Variants in MORF4L1 observed in about 807,000 individuals in gnomAD.
The protein encoded by MORF4L1 is mortality factor 4 like 1, also known as mortality factor 4-like protein 1.
A neutral mutation model predicts 52.9 loss-of-function variants in MORF4L1; 4 were observed. The observed-to-expected ratio is 0.08, with a 90% CI of 0.04 to 0.17. The LOEUF is 0.17. Ranked by LOEUF, MORF4L1 falls within the 10% of genes least tolerant of loss-of-function variation. The pLI is 1.00. For missense variants in MORF4L1, 214 were observed against 390.4 expected, an observed-to-expected ratio of 0.55 and a Z score of 3.81; for synonymous variants, 123 against 134.8, an observed-to-expected ratio of 0.91 and a Z score of 0.61.
chr15:78,880,308 T>C (rs1453280676), intron 2 of MORF4L1, among the ~76,000 whole-genome samples: 1 of 152,244 alleles, frequency 6.6e-6, no homozygotes, highest in Non-Finnish European at 1.5e-5. Flanking sequence ...AGGTGACCTT[T>C]TATGCTTGTG....
chr15:78,884,954 C>T (rs2141470935), intron 3 of MORF4L1: 1 of 1,598,820 alleles, frequency 6.3e-7, no homozygotes, highest in East Asian at 2.2e-5. Flanking sequence ...TTGTACTATG[C>T]TGTCTGTATC....
chr15:78,873,143 GC>G lies in MORF4L1; in HGVS notation c.40+87del, dbSNP rs2056400537. The G allele has an allele frequency of 3.9e-6, 6 of 1,543,638 alleles. No individual in the cohort carries two copies. The African/African-American group carries it at 6.9e-5, about 18-fold the overall frequency. On this transcript the variant is annotated intron_variant, in intron 1 of 11. Coordinates refer to ENST00000426013, the MANE Select transcript of MORF4L1 (RefSeq NM_006791.4). ...GGTGATTGAGGCTTGAGGGCCGGGG[GC>G]GGCGCGGGCTGCGCCCTGAGAAGGC... is the stretch of plus-strand genomic sequence containing the variant.
chr15:78,879,331 C>T (rs2056556754), intron 2 of MORF4L1, among the ~76,000 whole-genome samples: 2 of 151,998 alleles, frequency 1.3e-5, no homozygotes, highest in African/African-American at 4.8e-5. Context: ...AAGCAATTCT[C>T]CTGCCTCAGC....
intron 1 of MORF4L1, among the ~76,000 whole-genome samples, chr15:78,875,253 C>G (rs140259398): frequency 1.3e-5 from 2 of 152,062 alleles, no homozygotes; most frequent in African/African-American, 4.8e-5. Flanking sequence ...GATGGCTGTT[C>G]TGGAAGAAGC....
chr15:78,881,988 G>A (rs1229908502), intron 3 of MORF4L1, among the ~76,000 whole-genome samples: 1 of 152,150 alleles, frequency 6.6e-6, no homozygotes, highest in Non-Finnish European at 1.5e-5. Flanking sequence ...GACCAACCCA[G>A]TTAATTTTAT....
At chr15:78,880,113 C>T (rs1434483855) in intron 2 of MORF4L1, among the ~76,000 whole-genome samples, 1 of 152,222 alleles carries the variant, frequency 6.6e-6, no homozygotes. Context: ...TTTTCAGAAA[C>T]AGGTCCATTT....
chr15:78,891,282 C>T, intron 6 of MORF4L1: 1 of 646,982 alleles, frequency 1.5e-6, no homozygotes, highest in Admixed American at 3.0e-5. Context: ...GATGGTGATA[C>T]TAAATGTTGT....
intron 5 of MORF4L1, among the ~76,000 whole-genome samples, chr15:78,887,897 G>C (rs1459642100): frequency 6.6e-6 from 1 of 152,176 alleles, no homozygotes; most frequent in African/African-American, 2.4e-5. Flanking sequence ...TCCTGCCTCA[G>C]CCTCCCAAGT....
chr15:78,874,908 C>G (rs532803515), intron 1 of MORF4L1, among the ~76,000 whole-genome samples: 1 of 151,664 alleles, frequency 6.6e-6, no homozygotes, highest in South Asian at 2.1e-4. Flanking sequence ...TTTAGTATTT[C>G]AATTAACAGT....
At position 78,893,711 on chromosome 15, in the gene MORF4L1, C is replaced by G; in HGVS notation, c.629+84C>G. ...AGTCATCTGAAACTTGTACTGACTC[C>G]GAAACATTAATACCACCAGAAACTA... On this transcript the variant is annotated intron_variant, in intron 9 of 11. Coordinates refer to ENST00000426013, the MANE Select transcript of MORF4L1 (RefSeq NM_006791.4). The G allele has an allele frequency of 5.6e-6, 5 of 890,286 alleles. No individual in the cohort carries two copies. The South Asian group carries it at 8.6e-5, about 15-fold the overall frequency. 55.1% of individuals were successfully genotyped at this position (890,286 alleles called of 1,614,324 possible). A position where few individuals can be genotyped will look rare whatever the true frequency, so the allele number is the denominator to read the frequency against.
intron 7 of MORF4L1, 27 bp downstream of exon 7, chr15:78,891,599 G>A (rs1319422538): frequency 5.2e-6 from 8 of 1,544,296 alleles, no homozygotes; most frequent in African/African-American, 2.7e-5. Flanking sequence ...TTTATGAATA[G>A]CATGTTAGGA....
Position 78,894,695 on chromosome 15 carries a change from A to C in MORF4L1, c.803-125A>C, listed in dbSNP as rs192796122. On this transcript the variant is annotated intron_variant, in intron 10 of 11. Coordinates refer to ENST00000426013, the MANE Select transcript of MORF4L1 (RefSeq NM_006791.4). ...AGTGCTGGGATTACAGGCGTGAGCC[A>C]CTATGCCCGGCCTAAAATCATGTAT... is the stretch of plus-strand genomic sequence containing the variant. 2.6e-4 allele frequency: 199 copies of C among 761,684 alleles called. No individual in the cohort carries two copies. In the East Asian group the frequency reaches 5.2e-3, roughly 20 times the overall value. 47.2% of individuals were successfully genotyped at this position (761,684 alleles called of 1,614,324 possible). A position where few individuals can be genotyped will look rare whatever the true frequency, so the allele number is the denominator to read the frequency against.
At chr15:78,891,393 T>C in intron 6 of MORF4L1, 91 bp from the exon 7 acceptor site, 1 of 962,936 alleles carries the variant, frequency 1.0e-6, no homozygotes. Context: ...AATGGAGAAA[T>C]AATGAAAAGG....
chr15:78,891,626 C>T (rs1001189744), intron 7 of MORF4L1, 54 bp downstream of exon 7: 1 of 1,363,486 alleles, frequency 7.3e-7, no homozygotes, highest in South Asian at 1.2e-5. Flanking sequence ...GTCTCAGTTA[C>T]ATGACATAAC....
chr15:78,896,568 A>C (rs1007060545), intron 11 of MORF4L1, among the ~76,000 whole-genome samples: 1 of 151,930 alleles, frequency 6.6e-6, no homozygotes, highest in Non-Finnish European at 1.5e-5. Flanking sequence ...TTGGCCTCCC[A>C]AAGTGCTGGG....
chr15:78,881,848 C>T (rs1471343464), intron 3 of MORF4L1, among the ~76,000 whole-genome samples: 1 of 152,100 alleles, frequency 6.6e-6, no homozygotes, highest in Non-Finnish European at 1.5e-5. Context: ...GCTCTTTTAC[C>T]TGGTTTACTA....
At chr15:78,879,268 C>T (rs1226836579) in intron 2 of MORF4L1, among the ~76,000 whole-genome samples, 3 of 152,044 alleles carry the variant, frequency 2.0e-5, no homozygotes, top group African/African-American at 7.3e-5. Context: ...GTCGCCCAGG[C>T]TGGAGTGCAG....
Position 78,896,992 on chromosome 15 carries a change from A to G in MORF4L1, c.897A>G (p.Ala299=). ...NYLHDFLKYL[A]KNSATLFSAS... The stretch of plus-strand genomic sequence containing the variant: ...AATATTTTATTTTTAGGTACCTGGC[A>G]AAGAATTCTGCAACTTTGTTCAGTG... Residue 299 remains alanine, a synonymous_variant, in exon 12 of 12, where the codon GCA becomes GCG. Coordinates refer to ENST00000426013, the MANE Select transcript of MORF4L1 (RefSeq NM_006791.4). The G allele has an allele frequency of 6.2e-7, 1 of 1,613,090 alleles. No homozygotes were observed. Among genetic ancestry groups the G allele is most frequent in the Non-Finnish European group, 8.5e-7 (1 of 1,179,464 alleles).
At chr15:78,875,623 C>T (rs906112548) in intron 1 of MORF4L1, among the ~76,000 whole-genome samples, 4 of 151,928 alleles carry the variant, frequency 2.6e-5, no homozygotes, top group African/African-American at 4.8e-5. Flanking sequence ...CCAGTCTCTA[C>T]TAAAAATACA....
Sources: gnomAD v4.1 joint callset for allele counts (sites outside exome capture counted in the v4.1 genomes callset) on GRCh38, gnomAD v4.1.1 for gene constraint, MANE v1.5 for transcripts, NCBI Gene and HGNC (gene_info 2026-07-23, HGNC 2026-07-21) for gene names.